Variants in LINGO2 observed in about 807,000 individuals in gnomAD.
The protein encoded by LINGO2 is leucine-rich repeat and immunoglobulin-like domain-containing nogo receptor-interacting protein 2.
A neutral mutation model predicts 30.6 loss-of-function variants in LINGO2; 14 were observed. That is an observed-to-expected ratio of 0.46 (90% CI 0.30 to 0.72). The LOEUF is 0.72. LINGO2 is among the 30% of genes least tolerant of loss of function. The pLI, the probability that LINGO2 is intolerant of heterozygous loss-of-function variation, is 0.07. For missense variants in LINGO2, 729 were observed against 751.7 expected (o/e 0.97, Z 0.35); for synonymous variants, 317 against 288.5 (o/e 1.10, Z -1.00).
chr9:28,185,072 C>T (rs1819495434), intron 4 of LINGO2, among the ~76,000 whole-genome samples: 1 of 152,182 alleles, frequency 6.6e-6, no homozygotes, highest in Non-Finnish European at 1.5e-5. Context: ...CCCAGCTACA[C>T]TGAAATTGCA....
At chr9:28,566,032 A>C (rs189750176) in intron 1 of LINGO2, among the ~76,000 whole-genome samples, 231 of 152,234 alleles carry the variant, frequency 1.5e-3, no homozygotes, top group African/African-American at 5.3e-3. Context: ...TTACCAGGAG[A>C]AAACTGAGGA....
At position 28,148,238 on chromosome 9, in the gene LINGO2, A is replaced by G. The variant is rs1407806438; in HGVS notation, c.-86-135833T>C. ...GAGGCTGTGTCTTATCCCTCGGAAC[A>G]TGGGCACCCCACAGAGGGTCCTGTC... is the stretch of plus-strand genomic sequence containing the variant. On this transcript the variant is annotated intron_variant, in intron 4 of 5. Coordinates refer to ENST00000379992, the Ensembl canonical transcript of LINGO2. This position sits in a 1 kb window ranked among gnomAD's most constrained non-coding sequence, Gnocchi z 5.1. The G allele has an allele frequency of 2.6e-5, 19 of 726,776 alleles. No homozygotes were observed. In the African/African-American group the frequency reaches 2.7e-4, roughly 10 times the overall value. The allele number at this position is 726,776 out of a possible 1,614,324, so 45.0% of individuals were successfully genotyped here.
chr9:29,127,595 C>A, the LINGO2 span, among the ~76,000 whole-genome samples: 1 of 152,036 alleles, frequency 6.6e-6, no homozygotes, highest in Non-Finnish European at 1.5e-5. Flanking sequence ...TCATCAGGTT[C>A]GGGTGAGGGA....
chr9:29,176,010 T>C, the LINGO2 span, among the ~76,000 whole-genome samples: 8 of 152,150 alleles, frequency 5.3e-5, no homozygotes, highest in African/African-American at 1.4e-4. Context: ...GGACATCTTA[T>C]GGCTCAGGCT....
the LINGO2 span, among the ~76,000 whole-genome samples, chr9:29,137,291 A>G: frequency 6.6e-6 from 1 of 152,154 alleles, no homozygotes; most frequent in Non-Finnish European, 1.5e-5. Flanking sequence ...TAGGTTAACT[A>G]AGCTCTAATT....
intron 4 of LINGO2, among the ~76,000 whole-genome samples, chr9:28,131,202 C>T (rs1329909360): frequency 6.6e-6 from 1 of 150,624 alleles, no homozygotes; most frequent in African/African-American, 2.4e-5. Flanking sequence ...TTAGTGATGT[C>T]TAACAAGGTA....
At position 28,028,803 on chromosome 9, in the gene LINGO2, T is replaced by A. The variant is rs543745230; in HGVS notation, c.-86-16398A>T. Among the ~76,000 whole-genome samples, 43 of 152,268 alleles carry A rather than the reference T, an allele frequency of 2.8e-4. No homozygotes were observed. In the East Asian group the frequency reaches 5.4e-3, roughly 19 times the overall value. ...AGTTGGTTGAATCCATGGATGAGAA[T>A]CCACAGATATGGAGGGCTGCCTACA... On this transcript the variant is annotated intron_variant, in intron 4 of 5. Coordinates refer to ENST00000379992, the Ensembl canonical transcript of LINGO2.
At chr9:28,276,432 C>T (rs142882924) in intron 4 of LINGO2, among the ~76,000 whole-genome samples, 4 of 152,096 alleles carry the variant, frequency 2.6e-5, no homozygotes, top group Admixed American at 2.6e-4. Context: ...TCTCAGTTAC[C>T]TCATTTTCCT....
the LINGO2 span, among the ~76,000 whole-genome samples, chr9:28,679,566 C>T: frequency 6.6e-6 from 1 of 151,970 alleles, no homozygotes; most frequent in Non-Finnish European, 1.5e-5. Flanking sequence ...AAAAGCTGTA[C>T]ATATTTAATG....
rs137917836 is a variant in LINGO2, at chr9:28,433,101, C to G, written c.-279+42839G>C. On this transcript the variant is annotated intron_variant, in intron 2 of 5. Transcript: ENST00000379992. ...TTTTAGCATTCAAAATGGCTATCATCTCTCTTAAAAAGCAGTGGATTATAA... is the reference window on the plus strand; with the variant it reads ...TTTTAGCATTCAAAATGGCTATCATGTCTCTTAAAAAGCAGTGGATTATAA... Among the ~76,000 whole-genome samples the G allele has an allele frequency of 5.4e-3, 815 of 152,184 alleles. 10 individuals carry two copies. Among genetic ancestry groups the G allele is most frequent in the African/African-American group, 0.018 (746 of 41,530 alleles).
At position 28,462,817 on chromosome 9, in the gene LINGO2, TA is replaced by T. The variant is rs565213221; in HGVS notation, c.-279+13122del. Among the ~76,000 whole-genome samples the T allele has an allele frequency of 8.9e-3, 1,360 of 152,154 alleles. 11 individuals carry two copies. The highest frequency in any genetic ancestry group is 0.013 in the Non-Finnish European group (875 of 67,932). On this transcript the variant is annotated intron_variant, in intron 2 of 5. Transcript: ENST00000379992. ...GAGTAACTTGGTTGTGAGTGGTAAT[TA>T]AGTTCTGAGGATTTTTCCAAGGAAC...
At chr9:28,145,238 G>A (rs528887807) in intron 4 of LINGO2, among the ~76,000 whole-genome samples, 3 of 152,176 alleles carry the variant, frequency 2.0e-5, no homozygotes, top group Non-Finnish European at 2.9e-5. Flanking sequence ...CAAAGTGTGC[G>A]AGGAAGGCAA....
At chr9:29,141,794 C>G in the LINGO2 span, among the ~76,000 whole-genome samples, 1 of 151,724 alleles carries the variant, frequency 6.6e-6, no homozygotes, top group Admixed American at 6.6e-5. Flanking sequence ...AAAAAACTGT[C>G]ACGGGAAACA....
At chr9:28,407,223 A>T (rs1822549336) in intron 2 of LINGO2, among the ~76,000 whole-genome samples, 1 of 150,478 alleles carries the variant, frequency 6.6e-6, no homozygotes, top group African/African-American at 2.4e-5. Context: ...AAACAATAAA[A>T]AAAGGAGGGA....
the LINGO2 span, among the ~76,000 whole-genome samples, chr9:28,827,449 C>T: frequency 2.6e-5 from 4 of 152,106 alleles, no homozygotes; most frequent in Admixed American, 1.3e-4. Context: ...GTTATTTAAT[C>T]GCTCTATGCC....
intron 1 of LINGO2, among the ~76,000 whole-genome samples, chr9:28,562,086 A>G (rs1303865056): frequency 6.6e-6 from 1 of 151,924 alleles, no homozygotes; most frequent in African/African-American, 2.4e-5. Flanking sequence ...CAGTCTGCAG[A>G]GATTGCAGGG....
chr9:28,786,856 ACGG>A, the LINGO2 span, among the ~76,000 whole-genome samples: 1 of 152,168 alleles, frequency 6.6e-6, no homozygotes, highest in Non-Finnish European at 1.5e-5. Context: ...AGGATTTTTG[ACGG>A]GTAAGCAGGA....
chr9:28,425,532 T>C (rs1401279098), intron 2 of LINGO2, among the ~76,000 whole-genome samples: 1 of 152,052 alleles, frequency 6.6e-6, no homozygotes, highest in Admixed American at 6.6e-5. Flanking sequence ...TACTGTGCTA[T>C]GCTGCTGGCC....
chr9:28,814,448 A>G, the LINGO2 span, among the ~76,000 whole-genome samples: 1 of 152,002 alleles, frequency 6.6e-6, no homozygotes, highest in African/African-American at 2.4e-5. Flanking sequence ...ACAAACGAAT[A>G]AAAAAAATAA....
Sources: gnomAD v4.1 joint callset for allele counts (sites outside exome capture counted in the v4.1 genomes callset) on GRCh38, gnomAD v4.1.1 for gene constraint, Gnocchi (gnomAD v3.1) non-coding constraint, MANE v1.5 for transcripts, NCBI Gene and HGNC (gene_info 2026-07-23, HGNC 2026-07-21) for gene names.